The following ABCB1 variants were observed in gnomAD, a reference collection of about 807,000 sequenced individuals.
ABCB1 encodes ATP binding cassette subfamily B member 1, also known as ATP-dependent translocase ABCB1.
Under a neutral mutation model 142.0 loss-of-function variants are expected in ABCB1, and 69 were observed. The observed-to-expected ratio is 0.49, with a 90% CI of 0.40 to 0.59. The LOEUF (loss-of-function observed/expected upper bound fraction) is 0.59. Ranked by LOEUF, ABCB1 falls within the 20% of genes least tolerant of loss-of-function variation. The probability of loss-of-function intolerance (pLI) is 0.00; values close to 1 mark genes in which losing one functional copy is unlikely to be tolerated. For missense variants in ABCB1, 1,326 were observed against 1,554.7 expected (o/e 0.85, Z 2.47); for synonymous variants, 532 against 539.2 (o/e 0.99, Z 0.18).
intron 1 of ABCB1, among the ~76,000 whole-genome samples, chr7:87,613,261 T>C (rs997366819): frequency 6.3e-5 from 9 of 141,904 alleles, no homozygotes; most frequent in African/African-American, 1.8e-4. Flanking sequence ...TTATTTCTTT[T>C]TTTTTTTTTT....
At chr7:87,654,046 AT>A (rs1371992718) in intron 1 of ABCB1, among the ~76,000 whole-genome samples, 2 of 151,850 alleles carry the variant, frequency 1.3e-5, no homozygotes, top group Non-Finnish European at 2.9e-5. Context: ...TAAATGCAGT[AT>A]TTTTTTTCTT....
At chr7:87,568,242 C>CAATAATAATAATAATAATAACAATAAT (rs1554435541) in intron 5 of ABCB1, among the ~76,000 whole-genome samples, 1,950 of 135,840 alleles carry the variant, frequency 0.014, 27 homozygotes, top group African/African-American at 0.038. Flanking sequence ...AAAAATACGA[C>CAATAATAATAATAATAATAACAATAAT]AATAATAATA....
At chr7:87,550,101 G>A (rs1228060245) in intron 12 of ABCB1, 47 bp from the exon 13 acceptor site, 1 of 1,613,772 alleles carries the variant, frequency 6.2e-7, no homozygotes, top group Admixed American at 1.7e-5. Context: ...TAATTGAAAG[G>A]GCAACATCAG....
Position 87,503,479 on chromosome 7 carries a change from T to C in ABCB1, c.*764A>G, listed in dbSNP as rs903775538. Among the ~76,000 whole-genome samples the C allele has an allele frequency of 5.3e-5, 8 of 152,220 alleles. No individual in the cohort carries two copies. The highest frequency in any genetic ancestry group is 4.4e-5 in the Non-Finnish European group (3 of 68,032). Reference sequence around the variant, plus strand: ...ACAAAAAGTAAATGTACTTTGGAAGTGTAAAAATCTTAAAAAATCCTTAAA... The same window carrying C: ...ACAAAAAGTAAATGTACTTTGGAAGCGTAAAAATCTTAAAAAATCCTTAAA... On this transcript the variant is annotated 3_prime_UTR_variant, in exon 28 of 28. Transcript: ENST00000622132.
chr7:87,589,881 A>G (rs950597882), intron 3 of ABCB1, among the ~76,000 whole-genome samples: 1 of 151,540 alleles, frequency 6.6e-6, no homozygotes, highest in Non-Finnish European at 1.5e-5. Context: ...AAAGAAAGAA[A>G]GTTTGATTAG....
At chr7:87,567,968 G>C (rs191093855) in intron 5 of ABCB1, among the ~76,000 whole-genome samples, 1 of 151,778 alleles carries the variant, frequency 6.6e-6, no homozygotes, top group African/African-American at 2.4e-5. Flanking sequence ...GGTGGCGTGC[G>C]ACTGTAGTCC....
intron 1 of ABCB1, among the ~76,000 whole-genome samples, chr7:87,700,957 A>G (rs866201446): frequency 6.6e-6 from 1 of 152,210 alleles, no homozygotes; most frequent in African/African-American, 2.4e-5. Flanking sequence ...CCCACCATGC[A>G]CTCAGTATTT....
intron 22 of ABCB1, 104 bp from the exon 23 acceptor site, chr7:87,519,570 A>G: frequency 4.3e-6 from 6 of 1,410,002 alleles, no homozygotes; most frequent in South Asian, 1.2e-5. Flanking sequence ...GACCAACAAA[A>G]ATGGGTTTCG....
At chr7:87,544,494 AT>A (rs1258246940) in intron 16 of ABCB1, among the ~76,000 whole-genome samples, 1 of 152,228 alleles carries the variant, frequency 6.6e-6, no homozygotes, top group African/African-American at 2.4e-5. Flanking sequence ...TTTTTAAAAA[AT>A]AAATGATGTT....
In ABCB1 at chr7:87,709,802, AAG is replaced by A. The variant is rs1375991591; in HGVS notation, c.-331+3357_-331+3358del. Among the ~76,000 whole-genome samples the A allele has an allele frequency of 8.5e-5, 13 of 152,244 alleles. 1 individual carries two copies. Among genetic ancestry groups the A allele is most frequent in the African/African-American group, 3.1e-4 (13 of 41,554 alleles). ...CATGAAGTTTTTTAGAGATTTGTGA[AAG>A]AGTTGAGTGAAAATGAAAATAATTG... On this transcript the variant is annotated intron_variant, in intron 1 of 28. Transcript: ENST00000265724.
At chr7:87,607,365 A>T (rs1819693087) in intron 1 of ABCB1, among the ~76,000 whole-genome samples, 1 of 152,150 alleles carries the variant, frequency 6.6e-6, no homozygotes, top group Non-Finnish European at 1.5e-5. Flanking sequence ...TGAGGGTAGA[A>T]ATCTTGTCTC....
At chr7:87,578,479 G>A (rs1039112598) in intron 4 of ABCB1, among the ~76,000 whole-genome samples, 9 of 152,062 alleles carry the variant, frequency 5.9e-5, no homozygotes, top group African/African-American at 1.4e-4. Flanking sequence ...GATAGCGATT[G>A]CACTGTCTGT....
intron 1 of ABCB1, among the ~76,000 whole-genome samples, chr7:87,612,397 C>T (rs1819884026): frequency 6.6e-6 from 1 of 152,004 alleles, no homozygotes; most frequent in African/African-American, 2.4e-5. Context: ...GGTTTCAGGT[C>T]CTAGACATAA....
At chr7:87,542,796 C>T (rs1165698284) in intron 17 of ABCB1, among the ~76,000 whole-genome samples, 2 of 152,078 alleles carry the variant, frequency 1.3e-5, no homozygotes, top group African/African-American at 2.4e-5. Flanking sequence ...GGAACACAGT[C>T]GTGTTCATTC....
chr7:87,553,979 T>C, intron 8 of ABCB1, 47 bp from the exon 9 acceptor site: 1 of 1,538,596 alleles, frequency 6.5e-7, no homozygotes, highest in Non-Finnish European at 9.0e-7. Context: ...TATGAAAACA[T>C]GTCGATATAG....
chr7:87,545,047 C>T (rs1284641399), intron 15 of ABCB1, 48 bp from the exon 16 acceptor site: 9 of 1,549,118 alleles, frequency 5.8e-6, no homozygotes, highest in Non-Finnish European at 8.0e-6. Context: ...TGTGTGTTAA[C>T]CAATGAAAGC....
intron 3 of ABCB1, among the ~76,000 whole-genome samples, chr7:87,591,620 A>T (rs1819004721): frequency 6.6e-6 from 1 of 152,180 alleles, no homozygotes; most frequent in Non-Finnish European, 1.5e-5. Flanking sequence ...ACTTATTTGT[A>T]AGGTCACCAA....
At chr7:87,586,224 TG>T (rs1267033040) in intron 3 of ABCB1, among the ~76,000 whole-genome samples, 2 of 152,210 alleles carry the variant, frequency 1.3e-5, no homozygotes, top group Non-Finnish European at 2.9e-5. Context: ...GATGCATGCT[TG>T]TCAAGGAACA....
At chr7:87,667,507 G>T (rs1454554171) in intron 1 of ABCB1, among the ~76,000 whole-genome samples, 1 of 151,910 alleles carries the variant, frequency 6.6e-6, no homozygotes, top group East Asian at 1.9e-4. Context: ...GATAGCTCTG[G>T]CTAGGACTTC....
Sources: gnomAD v4.1 joint callset for allele counts (sites outside exome capture counted in the v4.1 genomes callset) on GRCh38, gnomAD v4.1.1 for gene constraint, MANE v1.5 for transcripts, NCBI Gene and HGNC (gene_info 2026-07-23, HGNC 2026-07-21) for gene names.